Variants in WLS observed in about 807,000 individuals in gnomAD.
WLS encodes protein wntless homolog.
Under a neutral mutation model 62.8 loss-of-function variants are expected in WLS, and 23 were observed. That is an observed-to-expected ratio of 0.37 (90% CI 0.26 to 0.52). The LOEUF (loss-of-function observed/expected upper bound fraction) is 0.52. Among genes scored for constraint, WLS ranks in the 20% least tolerant of loss-of-function variants. The pLI, the probability that WLS is intolerant of heterozygous loss-of-function variation, is 0.92. For missense variants in WLS, 615 were observed against 697.3 expected, an observed-to-expected ratio of 0.88 and a Z score of 1.33; for synonymous variants, 246 against 244.1, an observed-to-expected ratio of 1.01 and a Z score of -0.07.
intron 11 of WLS, among the ~76,000 whole-genome samples, chr1:68,108,642 G>A (rs1646179221): frequency 6.6e-6 from 1 of 152,058 alleles, no homozygotes; most frequent in Admixed American, 6.5e-5. Flanking sequence ...ATTCTTTTGA[G>A]ATTTTTTTTC....
intron 11 of WLS, among the ~76,000 whole-genome samples, chr1:68,130,662 C>T (rs2566778): frequency 0.95 from 144,867 of 152,196 alleles, 69,169 homozygotes; most frequent in Non-Finnish European, 0.99. Flanking sequence ...CAAAGAACTG[C>T]TTAAGAATAT....
At chr1:68,099,365 A>G (rs2100281600) in intron 11 of WLS, among the ~76,000 whole-genome samples, 1 of 152,072 alleles carries the variant, frequency 6.6e-6, no homozygotes, top group Middle Eastern at 3.4e-3. Flanking sequence ...TAAAACGCAC[A>G]CTCCCAGGGC....
At chr1:68,103,089 G>C (rs1646099773) in intron 11 of WLS, among the ~76,000 whole-genome samples, 1 of 152,154 alleles carries the variant, frequency 6.6e-6, no homozygotes, top group African/African-American at 2.4e-5. Context: ...CTGCCTCCCT[G>C]CCTAGCGCTC....
chr1:68,186,338 T>C (rs1335579739), intron 2 of WLS, among the ~76,000 whole-genome samples: 1 of 152,190 alleles, frequency 6.6e-6, no homozygotes, highest in Non-Finnish European at 1.5e-5. Flanking sequence ...TTAAAATATG[T>C]AGTACTTAGA....
intron 2 of WLS, among the ~76,000 whole-genome samples, chr1:68,180,733 C>T (rs1647516908): frequency 7.1e-6 from 1 of 141,520 alleles, no homozygotes; most frequent in Non-Finnish European, 1.5e-5. Context: ...CCAACTTTCT[C>T]TCTCAAACTG....
At chr1:68,152,618 T>C (rs562718277) in intron 5 of WLS, among the ~76,000 whole-genome samples, 1 of 152,226 alleles carries the variant, frequency 6.6e-6, no homozygotes, top group South Asian at 2.1e-4. Context: ...GCAGTTTTAG[T>C]AGAGTGGTGG....
chr1:68,216,640 G>A (rs1649738654), intron 1 of WLS, among the ~76,000 whole-genome samples: 1 of 99,244 alleles, frequency 1.0e-5, no homozygotes. Context: ...TCTAGCTGTT[G>A]AAACTTAGAC....
At position 68,193,955 on chromosome 1, in the gene WLS, T is replaced by G; in HGVS notation, c.379A>C (p.Arg127=). 6.2e-7 allele frequency: 1 copy of G among 1,613,074 alleles called. No homozygotes were observed. The highest frequency in any genetic ancestry group is 8.5e-7 in the Non-Finnish European group (1 of 1,179,268). Residue 127 remains arginine (R), a splice_region_variant and synonymous_variant, in exon 2 of 12, where the codon AGA becomes CGA. Coordinates refer to ENST00000262348, the MANE Select transcript of WLS (RefSeq NM_024911.7). ...GGGATGAGAGGAGAGTACACTTAAC[T>G]GATTTGGTTGTTTAGCTTGAAGGCA... ...DIAFKLNNQI[R]ENAEVSMDVS...
At chr1:68,157,482 G>A (rs939369918) in intron 3 of WLS, among the ~76,000 whole-genome samples, 1 of 152,030 alleles carries the variant, frequency 6.6e-6, no homozygotes, top group Non-Finnish European at 1.5e-5. Context: ...CATTTAAGAA[G>A]ATTCCTCTCT....
chr1:68,176,693 A>G (rs1647273561), intron 2 of WLS, among the ~76,000 whole-genome samples: 1 of 152,204 alleles, frequency 6.6e-6, no homozygotes. Flanking sequence ...TCCTTTGCAC[A>G]TATGTTATTT....
At chr1:68,107,903 G>A (rs1449674519) in intron 11 of WLS, among the ~76,000 whole-genome samples, 1 of 152,034 alleles carries the variant, frequency 6.6e-6, no homozygotes, top group Non-Finnish European at 1.5e-5. Flanking sequence ...CAGAAGAGAA[G>A]CACACTCCCC....
chr1:68,142,871 G>GA (rs1646704194), intron 10 of WLS: 1 of 151,946 alleles, frequency 6.6e-6, no homozygotes, highest in Admixed American at 6.5e-5. Flanking sequence ...AACTAGAATA[G>GA]AAAAAATTAT....
chr1:68,230,081 C>T (rs1380276590), intron 1 of WLS, among the ~76,000 whole-genome samples: 1 of 152,096 alleles, frequency 6.6e-6, no homozygotes, highest in Non-Finnish European at 1.5e-5. Context: ...CAGCCACTCA[C>T]GAGTGCCCTT....
At chr1:68,185,400 G>A (rs1043054381) in intron 2 of WLS, among the ~76,000 whole-genome samples, 1 of 152,154 alleles carries the variant, frequency 6.6e-6, no homozygotes, top group Non-Finnish European at 1.5e-5. Context: ...ATGTGGTATG[G>A]CAGGGATCCC....
At chr1:68,185,726 G>A (rs1038040925) in intron 2 of WLS, among the ~76,000 whole-genome samples, 4 of 152,186 alleles carry the variant, frequency 2.6e-5, no homozygotes, top group African/African-American at 9.7e-5. Context: ...CCAAAAAGTT[G>A]AGGATGGCTA....
intron 2 of WLS, chr1:68,162,299 C>T (rs903328598): frequency 7.9e-5 from 128 of 1,611,168 alleles, no homozygotes; most frequent in Non-Finnish European, 1.0e-4. Context: ...ACAAGGAATG[C>T]TCCCTGCCTC....
chr1:68,117,143 C>A (rs1022817144), intron 11 of WLS, among the ~76,000 whole-genome samples: 1 of 152,138 alleles, frequency 6.6e-6, no homozygotes, highest in Non-Finnish European at 1.5e-5. Context: ...TCCCCCTGCC[C>A]CCACACTCAC....
intron 1 of WLS, among the ~76,000 whole-genome samples, chr1:68,214,537 G>A (rs956101506): frequency 3.3e-5 from 5 of 151,988 alleles, no homozygotes; most frequent in Admixed American, 6.6e-5. Flanking sequence ...GCTAATTTTT[G>A]TATTTTTTAA....
chr1:68,211,205 C>T (rs979136110), intron 1 of WLS, among the ~76,000 whole-genome samples: 2 of 151,916 alleles, frequency 1.3e-5, no homozygotes, highest in African/African-American at 4.8e-5. Flanking sequence ...AGGTCTAAAC[C>T]CAAACATTCC....
Sources: allele counts gnomAD v4.1 joint callset (sites outside exome capture counted in the v4.1 genomes callset), GRCh38; gene constraint gnomAD v4.1.1; transcripts MANE v1.5; gene names NCBI Gene and HGNC (gene_info 2026-07-23, HGNC 2026-07-21).